Variants in PHF21B observed in about 807,000 individuals in gnomAD.
PHF21B encodes the protein PHD finger protein 4.
In PHF21B, 22 loss-of-function variants were observed where a neutral mutation model predicts 62.2. The observed-to-expected ratio is 0.35, with a 90% confidence interval of 0.25 to 0.51. The LOEUF is 0.51. Among genes scored for constraint, PHF21B ranks in the 20% least tolerant of loss-of-function variants. The probability of loss-of-function intolerance (pLI) is 0.97; values close to 1 mark genes in which losing one functional copy is unlikely to be tolerated. For synonymous variants in PHF21B, 341 were observed against 314.7 expected, an observed-to-expected ratio of 1.08 and a Z score of -0.88; for missense variants, 701 against 707.9, an observed-to-expected ratio of 0.99 and a Z score of 0.11.
chr22:44,965,202 G>A (rs2072501295), intron 2 of PHF21B, among the ~76,000 whole-genome samples: 1 of 152,068 alleles, frequency 6.6e-6, no homozygotes, highest in South Asian at 2.1e-4. Context: ...TGCCAGGCCA[G>A]GCTTCCTGAC....
intron 2 of PHF21B, among the ~76,000 whole-genome samples, chr22:44,952,267 C>T (rs994330752): frequency 2.0e-5 from 3 of 152,068 alleles, no homozygotes; most frequent in African/African-American, 4.8e-5. Context: ...CGCTTGAACT[C>T]GAGAGTCGGA....
intron 2 of PHF21B, among the ~76,000 whole-genome samples, chr22:45,004,877 CG>C (rs1415722475): frequency 6.6e-6 from 1 of 152,238 alleles, no homozygotes; most frequent in Non-Finnish European, 1.5e-5. Flanking sequence ...ATCAGCTCCA[CG>C]GACTCTTGGG....
At chr22:44,956,638 G>A (rs763779704) in intron 2 of PHF21B, among the ~76,000 whole-genome samples, 7 of 150,900 alleles carry the variant, frequency 4.6e-5, no homozygotes, top group Admixed American at 6.6e-5. Flanking sequence ...GGGAGACCTC[G>A]AGGGACCCTC....
chr22:44,922,326 G>A lies in PHF21B; in HGVS notation c.121-1836C>T, dbSNP rs1003086209. ...ATGAGTTTAGCCAGGTTGCAGGATA[G>A]AACAATATATAAAAATCAGTTGTGG... On this transcript the variant is annotated intron_variant, in intron 2 of 12. Coordinates refer to ENST00000313237, the MANE Select transcript of PHF21B (RefSeq NM_138415.5). 2.0e-5 allele frequency among the ~76,000 whole-genome samples: 3 copies of A among 152,136 alleles called. No individual in the cohort carries two copies. The East Asian group carries it at 5.8e-4, about 29-fold the overall frequency.
chr22:44,969,408 A>G (rs1243448844), intron 2 of PHF21B, among the ~76,000 whole-genome samples: 1 of 152,118 alleles, frequency 6.6e-6, no homozygotes, highest in East Asian at 1.9e-4. Flanking sequence ...GCTCGCACCT[A>G]TAATTCCAGC....
chr22:44,923,749 G>C (rs2071579289), intron 2 of PHF21B, among the ~76,000 whole-genome samples: 1 of 152,214 alleles, frequency 6.6e-6, no homozygotes, highest in South Asian at 2.1e-4. Flanking sequence ...CAGGCACAGT[G>C]CCTCATGCTT....
intron 2 of PHF21B, among the ~76,000 whole-genome samples, chr22:44,967,328 C>T (rs931443582): frequency 1.3e-5 from 2 of 149,122 alleles, no homozygotes; most frequent in Non-Finnish European, 3.0e-5. Flanking sequence ...TCATGCCATT[C>T]TCCTGCCTCA....
chr22:44,953,405 A>G (rs1033969601), intron 2 of PHF21B, among the ~76,000 whole-genome samples: 1 of 152,128 alleles, frequency 6.6e-6, no homozygotes, highest in African/African-American at 2.4e-5. Flanking sequence ...AACCAGCCAC[A>G]GGTTCCATCG....
intron 2 of PHF21B, among the ~76,000 whole-genome samples, chr22:44,965,156 C>T (rs2072500135): frequency 6.6e-6 from 1 of 152,138 alleles, no homozygotes; most frequent in African/African-American, 2.4e-5. Context: ...ACGGGCTTTG[C>T]TGGACCATCC....
rs2070744377 is a variant in PHF21B at position 44,881,719 on chromosome 22, T to C, written c.*1367A>G. The stretch of plus-strand genomic sequence containing the variant: ...GTGCGATGCACACACGCGTGTTCAG[T>C]GCAATTCGGCACCATGTGATATGCT... On this transcript the variant is annotated 3_prime_UTR_variant, in exon 13 of 13. Coordinates refer to ENST00000313237, the MANE Select transcript of PHF21B (RefSeq NM_138415.5). 6.6e-6 allele frequency: 1 copy of C among 152,642 alleles called. No homozygotes were observed. The highest frequency in any genetic ancestry group is 6.5e-5 in the Admixed American group (1 of 15,272). The allele number at this position is 152,642 out of a possible 1,614,324, so 9.5% of individuals were successfully genotyped here. A position where few individuals can be genotyped will look rare whatever the true frequency, so the allele number is the denominator to read the frequency against.
In PHF21B at chr22:44,893,443, G is replaced by A; in HGVS notation, c.960+14C>T. Reference sequence around the variant, plus strand: ...CCCACCCTCCTGGTGGCATGGGGCTGGCGGGTTCCCCACCTCGGTCTCCAG... The same window carrying A: ...CCCACCCTCCTGGTGGCATGGGGCTAGCGGGTTCCCCACCTCGGTCTCCAG... On this transcript the variant is annotated intron_variant, in intron 7 of 12. Transcript: ENST00000313237. The A allele has an allele frequency of 6.3e-7, 1 of 1,587,384 alleles. No individual in the cohort carries two copies. The highest frequency in any genetic ancestry group is 8.6e-7 in the Non-Finnish European group (1 of 1,167,418).
chr22:45,009,661 TG>T lies in PHF21B; in HGVS notation c.-113del, dbSNP rs1019923766. 2.4e-5 allele frequency: 23 copies of T among 961,222 alleles called. No individual in the cohort carries two copies. The highest frequency in any genetic ancestry group is 7.3e-5 in the East Asian group (2 of 27,234). 59.5% of individuals were successfully genotyped at this position (961,222 alleles called of 1,614,324 possible). ...GGCGGACGCGGCCTCCGGGCTGGGT[TG>T]GGGGGGACACGAGCCCCCTCCCCCA... On this transcript the variant is annotated 5_prime_UTR_variant, in exon 1 of 13. Transcript: ENST00000313237. This position sits in a 1 kb window ranked among gnomAD's most constrained non-coding sequence, Gnocchi z 5.9.
chr22:45,004,703 A>G (rs2073282840), intron 2 of PHF21B, among the ~76,000 whole-genome samples: 1 of 152,234 alleles, frequency 6.6e-6, no homozygotes, highest in Non-Finnish European at 1.5e-5. Context: ...ATAACCCCCC[A>G]GCTTCATTCA....
intron 2 of PHF21B, among the ~76,000 whole-genome samples, chr22:44,991,546 C>G (rs561509119): frequency 6.6e-6 from 1 of 152,142 alleles, no homozygotes; most frequent in Non-Finnish European, 1.5e-5. Flanking sequence ...AGAACAGGGA[C>G]GGGCCTGGCG....
chr22:45,007,912 G>T (rs142063643), intron 2 of PHF21B, among the ~76,000 whole-genome samples: 58 of 152,080 alleles, frequency 3.8e-4, no homozygotes, highest in Middle Eastern at 6.8e-3. Flanking sequence ...GGGCCCGGAG[G>T]GGGGGGAGCG....
intron 2 of PHF21B, among the ~76,000 whole-genome samples, chr22:44,946,616 T>C (rs1307865380): frequency 6.6e-6 from 1 of 151,718 alleles, no homozygotes; most frequent in Non-Finnish European, 1.5e-5. Context: ...AGTGGTTGTA[T>C]GGATGGATGG....
intron 2 of PHF21B, among the ~76,000 whole-genome samples, chr22:44,938,893 G>C (rs142943706): frequency 6.6e-6 from 1 of 152,312 alleles, no homozygotes; most frequent in Non-Finnish European, 1.5e-5. Context: ...ACTAAGGAAG[G>C]ACTCGTGTCT....
At chr22:45,002,356 A>T (rs1020195126) in intron 2 of PHF21B, among the ~76,000 whole-genome samples, 4 of 152,078 alleles carry the variant, frequency 2.6e-5, no homozygotes, top group Non-Finnish European at 5.9e-5. Context: ...ACATACACAC[A>T]CTTTTGTTCT....
intron 5 of PHF21B, among the ~76,000 whole-genome samples, chr22:44,907,936 CA>C (rs2071279392): frequency 6.6e-6 from 1 of 152,184 alleles, no homozygotes; most frequent in East Asian, 1.9e-4. Flanking sequence ...CTGGGAAGTA[CA>C]GGGGCGCTGG....
Sources: gnomAD v4.1 joint callset for allele counts (sites outside exome capture counted in the v4.1 genomes callset) on GRCh38, gnomAD v4.1.1 for gene constraint, Gnocchi (gnomAD v3.1) non-coding constraint, MANE v1.5 for transcripts, NCBI Gene and HGNC (gene_info 2026-07-23, HGNC 2026-07-21) for gene names.